The following KIF26B variants were observed in gnomAD, a reference collection of about 807,000 sequenced individuals.
KIF26B encodes the protein kinesin-like protein KIF26B.
A neutral mutation model predicts 151.2 loss-of-function variants in KIF26B; 63 were observed. The ratio of observed to expected loss-of-function variants is 0.42; its 90% CI spans 0.34 to 0.51. The LOEUF is 0.51. Ranked by LOEUF, KIF26B falls within the 20% of genes least tolerant of loss-of-function variation. The pLI is 0.07. For missense variants in KIF26B, 2,813 were observed against 2,913.6 expected (o/e 0.97, Z 0.79); for synonymous variants, 1,357 against 1,262.1 (o/e 1.08, Z -1.59).
At position 245,316,018 on chromosome 1, in the gene KIF26B, G is replaced by A. The variant is rs150992783; in HGVS notation, c.466-50816G>A. Reference sequence around the variant, plus strand: ...AAAGGAAGTCCTCAGAACACAGACTGCACAGTAAAGTGTGGGCCTAACTAG... The same window carrying A: ...AAAGGAAGTCCTCAGAACACAGACTACACAGTAAAGTGTGGGCCTAACTAG... On this transcript the variant is annotated intron_variant, in intron 2 of 14. Coordinates refer to ENST00000407071, the MANE Select transcript of KIF26B (RefSeq NM_018012.4). Among the ~76,000 whole-genome samples the A allele has an allele frequency of 2.5e-3, 381 of 152,284 alleles. 1 individual carries two copies. Among genetic ancestry groups the A allele is most frequent in the African/African-American group, 8.3e-3 (347 of 41,562 alleles).
chr1:245,629,819 C>T (rs562293100), intron 9 of KIF26B, among the ~76,000 whole-genome samples: 4 of 152,014 alleles, frequency 2.6e-5, no homozygotes, highest in African/African-American at 4.8e-5. Flanking sequence ...ACCTACAAAA[C>T]GGGAGAAAGT....
At chr1:245,454,357 A>G (rs1054187232) in intron 4 of KIF26B, among the ~76,000 whole-genome samples, 37 of 152,202 alleles carry the variant, frequency 2.4e-4, no homozygotes, top group Non-Finnish European at 5.1e-4. Flanking sequence ...AGGGAGGTAA[A>G]TGCAAAGAAG....
chr1:245,475,340 G>A (rs1158563127), intron 4 of KIF26B, among the ~76,000 whole-genome samples: 2 of 151,880 alleles, frequency 1.3e-5, no homozygotes, highest in African/African-American at 4.8e-5. Context: ...GCTCTACTGA[G>A]CGAAGACTTG....
At chr1:245,423,123 A>C (rs1430239172) in intron 4 of KIF26B, among the ~76,000 whole-genome samples, 4 of 151,464 alleles carry the variant, frequency 2.6e-5, no homozygotes, top group Non-Finnish European at 5.9e-5. Flanking sequence ...AAAGGAAAGA[A>C]AGAAAGAAAG....
At chr1:245,327,632 G>C (rs949714870) in intron 2 of KIF26B, among the ~76,000 whole-genome samples, 3 of 152,168 alleles carry the variant, frequency 2.0e-5, no homozygotes, top group African/African-American at 7.2e-5. Flanking sequence ...TGTATTGAAT[G>C]CTTCCTACAT....
chr1:245,694,667 CCT>C (rs1306895908), intron 12 of KIF26B, among the ~76,000 whole-genome samples: 1 of 152,182 alleles, frequency 6.6e-6, no homozygotes, highest in Non-Finnish European at 1.5e-5. Flanking sequence ...GCCAGCGACC[CCT>C]CTGACTGCAC....
intron 2 of KIF26B, among the ~76,000 whole-genome samples, chr1:245,256,429 C>T (rs529753846): frequency 2.5e-4 from 38 of 152,282 alleles, no homozygotes; most frequent in African/African-American, 7.9e-4. Context: ...CCCCATCGTC[C>T]GGATGAGGAA....
At chr1:245,611,764 A>T (rs1191811680) in intron 8 of KIF26B, 29 bp from the exon 9 acceptor site, 1 of 1,606,118 alleles carries the variant, frequency 6.2e-7, no homozygotes, top group East Asian at 2.2e-5. Flanking sequence ...CTCAGCCTGC[A>T]GCCTCATCTC....
intron 10 of KIF26B, among the ~76,000 whole-genome samples, chr1:245,683,340 G>A (rs1243692167): frequency 6.6e-6 from 1 of 152,190 alleles, no homozygotes; most frequent in African/African-American, 2.4e-5. Flanking sequence ...CAGGGAACGT[G>A]CCAGAGATGC....
chr1:245,656,809 T>G (rs1424614357), intron 10 of KIF26B, among the ~76,000 whole-genome samples: 1 of 152,226 alleles, frequency 6.6e-6, no homozygotes, highest in Non-Finnish European at 1.5e-5. Context: ...TTTTTTTTTT[T>G]GTTCATGCAA....
At chr1:245,402,244 A>G (rs1026879550) in intron 3 of KIF26B, among the ~76,000 whole-genome samples, 11 of 152,226 alleles carry the variant, frequency 7.2e-5, no homozygotes, top group African/African-American at 2.4e-4. Context: ...TTACAGAGAA[A>G]AAAGGTTCAA....
At chr1:245,494,004 GA>G (rs374473537) in intron 4 of KIF26B, among the ~76,000 whole-genome samples, 3,715 of 148,054 alleles carry the variant, frequency 0.025, 78 homozygotes, top group African/African-American at 0.061. Context: ...GTGCTAAGTG[GA>G]AAAAAAAAAA....
chr1:245,378,970 C>T (rs996838718), intron 3 of KIF26B, among the ~76,000 whole-genome samples: 2 of 152,158 alleles, frequency 1.3e-5, no homozygotes, highest in African/African-American at 4.8e-5. Context: ...GCGACTTCTC[C>T]GTGAAGTTGA....
chr1:245,189,918 T>C (rs1055893541), intron 2 of KIF26B, among the ~76,000 whole-genome samples: 21 of 151,326 alleles, frequency 1.4e-4, no homozygotes, highest in Admixed American at 5.9e-4. Flanking sequence ...AGAAAGAGAG[T>C]GAAGTGAAAG....
At chr1:245,255,044 C>T (rs1670507841) in intron 2 of KIF26B, among the ~76,000 whole-genome samples, 2 of 152,048 alleles carry the variant, frequency 1.3e-5, no homozygotes, top group South Asian at 4.1e-4. Context: ...GAGGACTCGC[C>T]CTCATGAATG....
chr1:245,640,122 G>GCGCGCTCTCTCTCTCTCTCTCTCT, intron 9 of KIF26B, among the ~76,000 whole-genome samples: 1 of 53,984 alleles, frequency 1.9e-5, no homozygotes, highest in East Asian at 8.8e-4. Flanking sequence ...ACTAATATTT[G>GCGCGCTCTCTCTCTCTCTCTCTCT]CTCTCTCTCT....
chr1:245,164,821 C>T (rs1417512219), intron 2 of KIF26B, among the ~76,000 whole-genome samples: 1 of 152,092 alleles, frequency 6.6e-6, no homozygotes, highest in South Asian at 2.1e-4. Context: ...GCCTGTAATC[C>T]CAGAACTTTG....
chr1:245,665,676 T>C (rs1331123453), intron 10 of KIF26B, among the ~76,000 whole-genome samples: 1 of 152,000 alleles, frequency 6.6e-6, no homozygotes, highest in African/African-American at 2.4e-5. Context: ...CATTTCAGCA[T>C]AATAAGTTTC....
At chr1:245,464,718 C>T (rs986290038) in intron 4 of KIF26B, among the ~76,000 whole-genome samples, 7 of 151,948 alleles carry the variant, frequency 4.6e-5, no homozygotes, top group South Asian at 2.1e-4. Context: ...GTCTGGCACA[C>T]GGTGTTTTTG....
Sources: gnomAD v4.1 joint callset for allele counts (sites outside exome capture counted in the v4.1 genomes callset) on GRCh38, gnomAD v4.1.1 for gene constraint, MANE v1.5 for transcripts, NCBI Gene and HGNC (gene_info 2026-07-23, HGNC 2026-07-21) for gene names.